The following C5 variants were observed in gnomAD, a reference collection of about 807,000 sequenced individuals.
C5 encodes the protein complement C5, also known as C3 and PZP-like alpha-2-macroglobulin domain-containing protein 4.
Under a neutral mutation model 218.8 loss-of-function variants are expected in C5, and 140 were observed. The ratio of observed to expected loss-of-function variants is 0.64; its 90% CI spans 0.56 to 0.74. C5 has a LOEUF of 0.74. C5 is among the 30% of genes least tolerant of loss of function. The pLI, the probability that C5 is intolerant of heterozygous loss-of-function variation, is 0.00. For missense variants in C5, 1,700 were observed against 1,969.6 expected (o/e 0.86, Z 2.59); for synonymous variants, 614 against 682.3 (o/e 0.90, Z 1.56).
intron 19 of C5, 109 bp from the exon 20 acceptor site, chr9:121,006,167 T>C: frequency 9.6e-7 from 1 of 1,040,378 alleles, no homozygotes; most frequent in Non-Finnish European, 1.5e-6. Flanking sequence ...AAAATAATAT[T>C]AGATCATGTT....
rs145356478 is a variant in C5 at position 121,024,151 on chromosome 9, C to T, written c.1001-632G>A. Among the ~76,000 whole-genome samples, 1,238 of 134,902 alleles carry T rather than the reference C, an allele frequency of 9.2e-3. 28 individuals carry two copies. Among genetic ancestry groups the T allele is most frequent in the African/African-American group, 0.033 (1,172 of 35,496 alleles). 88.5% of individuals were successfully genotyped at this position (134,902 alleles called of 152,430 possible). A position where few individuals can be genotyped will look rare whatever the true frequency, so the allele number is the denominator to read the frequency against. ...AGGAGAATTGCTTGAACCCAGGAGGCGGAGGTTGCATTGAGCTGAGACTGT... is the reference window on the plus strand; with the variant it reads ...AGGAGAATTGCTTGAACCCAGGAGGTGGAGGTTGCATTGAGCTGAGACTGT... On this transcript the variant is annotated intron_variant, in intron 9 of 40. Transcript: ENST00000223642.
chr9:121,031,452 C>A (rs1401623412), intron 6 of C5, among the ~76,000 whole-genome samples: 1 of 152,132 alleles, frequency 6.6e-6, no homozygotes, highest in African/African-American at 2.4e-5. Context: ...GGGTTCCACT[C>A]ACCTCATCTA....
chr9:121,012,783 C>A (rs1222263013), intron 17 of C5, among the ~76,000 whole-genome samples: 2 of 152,132 alleles, frequency 1.3e-5, no homozygotes, highest in African/African-American at 4.8e-5. Flanking sequence ...TAGCCTATTT[C>A]TCCTAGGCTA....
At chr9:120,953,631 GT>G in intron 40 of C5, 98 bp downstream of exon 40, 2 of 1,215,250 alleles carry the variant, frequency 1.6e-6, no homozygotes, top group South Asian at 2.5e-5. Flanking sequence ...TGGTTTGTTG[GT>G]TAAGAGCAGG....
intron 33 of C5, among the ~76,000 whole-genome samples, chr9:120,966,797 T>C (rs1277656505): frequency 1.3e-5 from 2 of 151,962 alleles, no homozygotes; most frequent in African/African-American, 4.8e-5. Context: ...TAGGAAATGC[T>C]GGAAGGAAGA....
At chr9:121,011,545 A>AAC (rs3047180) in intron 17 of C5, among the ~76,000 whole-genome samples, 97,390 of 151,748 alleles carry the variant, frequency 0.64, 31,369 homozygotes, top group East Asian at 0.81. Flanking sequence ...AAATTACTAT[A>AAC]CACTATGGAG....
At chr9:120,958,317 T>C (rs1312819630) in intron 38 of C5, among the ~76,000 whole-genome samples, 1 of 152,232 alleles carries the variant, frequency 6.6e-6, no homozygotes, top group East Asian at 1.9e-4. Flanking sequence ...TTTGTTTCTA[T>C]TCTGTTATTC....
intron 20 of C5, 107 bp downstream of exon 20, chr9:121,005,812 G>C: frequency 9.0e-7 from 1 of 1,105,654 alleles, no homozygotes; most frequent in East Asian, 2.4e-5. Flanking sequence ...TTCTATTGCT[G>C]AACTGAGTTG....
Position 120,980,269 on chromosome 9 carries a change from A to C in C5, c.3487-15T>G, listed in dbSNP as rs145339763. On this transcript the variant is annotated splice_polypyrimidine_tract_variant and intron_variant, in intron 27 of 40. Coordinates refer to ENST00000223642, the MANE Select transcript of C5 (RefSeq NM_001735.3). ...GTGTCGATTTTCTGGAAACAAGAGAAGATACTTCAGTTTCTATGTCAAGCA... is the reference window on the plus strand; with the variant it reads ...GTGTCGATTTTCTGGAAACAAGAGACGATACTTCAGTTTCTATGTCAAGCA... 1 of 1,612,884 alleles carries C rather than the reference A, an allele frequency of 6.2e-7. No homozygotes were observed.
At chr9:121,002,314 G>GTATATATATATATA (rs1260903533) in intron 20 of C5, among the ~76,000 whole-genome samples, 1 of 62,476 alleles carries the variant, frequency 1.6e-5, no homozygotes, top group African/African-American at 5.8e-5. Flanking sequence ...ATATATGTGT[G>GTATATATATATATA]TGTATATATA....
At position 120,953,817 on chromosome 9, in the gene C5, G is replaced by T. The variant is rs2131658729; in HGVS notation, c.4814C>A (p.Thr1605Asn). 6.2e-7 allele frequency: 1 copy of T among 1,613,138 alleles called. No homozygotes were observed. The highest frequency in any genetic ancestry group is 1.7e-5 in the Admixed American group (1 of 60,022). The change falls in exon 40 of 41, where the codon ACC becomes AAC. Residue 1605 changes from threonine (T) to asparagine (N), a missense_variant. Physicochemically the swap from Thr to Asn is moderately conservative, Grantham distance 65. Coordinates refer to ENST00000223642, the MANE Select transcript of C5 (RefSeq NM_001735.3). ...TTTTACCAGCTCAGCGTTAGTACAG[G>T]TTACCTTTTTAATGAAGGTAATCTC... is the stretch of plus-strand genomic sequence containing the variant. ...DSEITFIKKV[T>N]CTNAELVKGR...
chr9:121,043,219 C>G, intron 2 of C5, 53 bp from the exon 3 acceptor site: 1 of 1,384,436 alleles, frequency 7.2e-7, no homozygotes, highest in Non-Finnish European at 1.0e-6. Flanking sequence ...AGTTATTAAA[C>G]CATTAACTTT....
At chr9:121,023,163 C>T (rs1192334489) in intron 10 of C5, among the ~76,000 whole-genome samples, 2 of 152,062 alleles carry the variant, frequency 1.3e-5, no homozygotes, top group Non-Finnish European at 2.9e-5. Context: ...TAATTTAATG[C>T]TTATTTAGGG....
intron 3 of C5, among the ~76,000 whole-genome samples, chr9:121,039,552 G>A (rs567693941): frequency 6.6e-6 from 1 of 152,098 alleles, no homozygotes; most frequent in Non-Finnish European, 1.5e-5. Context: ...CTGGAGAATC[G>A]CTTGAACCTG....
At chr9:120,971,552 C>A (rs1353203976) in intron 31 of C5, among the ~76,000 whole-genome samples, 2 of 152,120 alleles carry the variant, frequency 1.3e-5, no homozygotes, top group East Asian at 3.9e-4. Flanking sequence ...GATTCTCCTG[C>A]CTCAGCCTCT....
chr9:121,055,930 AAG>A, the C5 span, among the ~76,000 whole-genome samples: 1 of 152,196 alleles, frequency 6.6e-6, no homozygotes, highest in Non-Finnish European at 1.5e-5. Flanking sequence ...GGAAGAGAGA[AAG>A]AGACTTTGCC....
At chr9:121,030,568 G>A in intron 6 of C5, 81 bp from the exon 7 acceptor site, 1 of 757,050 alleles carries the variant, frequency 1.3e-6, no homozygotes, top group Non-Finnish European at 2.2e-6. Flanking sequence ...AGACTTTCTG[G>A]TATAGTTGGA....
chr9:120,956,915 G>C (rs1368952392), intron 39 of C5: 1 of 298,374 alleles, frequency 3.4e-6, no homozygotes, highest in Admixed American at 4.7e-5. Context: ...TTACCTATTG[G>C]GTACTATGCT....
chr9:120,966,342 T>C (rs77940860), intron 33 of C5, among the ~76,000 whole-genome samples: 4,061 of 152,340 alleles, frequency 0.027, 187 homozygotes, highest in African/African-American at 0.094. Flanking sequence ...AGCTTTTTTC[T>C]GTACGGCAGA....
Sources: allele counts gnomAD v4.1 joint callset (sites outside exome capture counted in the v4.1 genomes callset), GRCh38; gene constraint gnomAD v4.1.1; transcripts MANE v1.5; gene names NCBI Gene and HGNC (gene_info 2026-07-23, HGNC 2026-07-21).